PRKCH: variants seen among roughly 807,000 people sequenced by gnomAD.
PRKCH encodes the protein protein kinase C eta type.
In PRKCH, 28 loss-of-function variants were observed where a neutral mutation model predicts 82.5. The ratio of observed to expected loss-of-function variants is 0.34; its 90% confidence interval spans 0.25 to 0.47. The LOEUF is 0.47. Ranked by LOEUF, PRKCH falls within the 20% of genes least tolerant of loss-of-function variation. The pLI is 1.00. For synonymous variants in PRKCH, 322 were observed against 327.4 expected (o/e 0.98, Z 0.18); for missense variants, 705 against 881.8 (o/e 0.80, Z 2.54).
chr14:61,261,568 G>A (rs553903927), intron 1 of PRKCH, among the ~76,000 whole-genome samples: 1 of 152,266 alleles, frequency 6.6e-6, no homozygotes, highest in Non-Finnish European at 1.5e-5. Context: ...GATTTATTTC[G>A]AGGTCTGAAT....
In PRKCH at chr14:61,384,195, C is replaced by T. The variant is rs1367162411; in HGVS notation, c.364-7030C>T. Among the ~76,000 whole-genome samples the T allele has an allele frequency of 3.9e-5, 6 of 152,014 alleles. No individual in the cohort carries two copies. The East Asian group carries it at 5.8e-4, about 15-fold the overall frequency. ...GGCTCCAGGATTTTAAGCCTGGGAA[C>T]GCAGAAGAACAGTGGTTCTAGTGAT... On this transcript the variant is annotated intron_variant, in intron 1 of 13. Coordinates refer to ENST00000332981, the MANE Select transcript of PRKCH (RefSeq NM_006255.5).
intron 2 of PRKCH, among the ~76,000 whole-genome samples, chr14:61,418,515 C>T (rs1395648733): frequency 1.3e-5 from 2 of 152,186 alleles, no homozygotes; most frequent in Admixed American, 1.3e-4. Flanking sequence ...GTGGCTCTGT[C>T]TTTATCCCTG....
intron 1 of PRKCH, among the ~76,000 whole-genome samples, chr14:61,269,863 G>A (rs965961799): frequency 6.6e-6 from 1 of 152,186 alleles, no homozygotes; most frequent in Non-Finnish European, 1.5e-5. Context: ...GTCAGGCTCC[G>A]GCCACAGGTC....
chr14:61,283,771 C>T (rs2045291467), intron 1 of PRKCH, among the ~76,000 whole-genome samples: 1 of 151,980 alleles, frequency 6.6e-6, no homozygotes, highest in Non-Finnish European at 1.5e-5. Context: ...ATAGCTTTAA[C>T]CAGGGAGTTA....
chr14:61,431,741 A>T (rs1883405955), intron 2 of PRKCH, among the ~76,000 whole-genome samples: 1 of 152,160 alleles, frequency 6.6e-6, no homozygotes, highest in African/African-American at 2.4e-5. Flanking sequence ...ATATATACAA[A>T]TATACTGTTA....
intron 1 of PRKCH, chr14:61,306,174 A>G (rs1166196788): frequency 6.6e-6 from 1 of 152,144 alleles, no homozygotes; most frequent in Non-Finnish European, 1.5e-5. Context: ...GTGCTTAGTA[A>G]GGTCTCTCCA....
chr14:61,372,798 T>C (rs570828906), intron 1 of PRKCH, among the ~76,000 whole-genome samples: 1 of 152,180 alleles, frequency 6.6e-6, no homozygotes, highest in African/African-American at 2.4e-5. Flanking sequence ...ACTTTTTAAA[T>C]TGCATATATT....
At chr14:61,367,350 G>A (rs1264000513) in intron 1 of PRKCH, among the ~76,000 whole-genome samples, 1 of 143,420 alleles carries the variant, frequency 7.0e-6, no homozygotes, top group African/African-American at 2.8e-5. Flanking sequence ...TATTGCGTGT[G>A]TGTGTGTGTA....
intron 1 of PRKCH, among the ~76,000 whole-genome samples, chr14:61,323,995 C>T (rs926056357): frequency 6.6e-6 from 1 of 152,202 alleles, no homozygotes; most frequent in African/African-American, 2.4e-5. Context: ...AGCCTAGACT[C>T]GTCCTTCTCA....
chr14:61,439,914 G>A (rs1450603629), intron 2 of PRKCH, among the ~76,000 whole-genome samples: 1 of 152,126 alleles, frequency 6.6e-6, no homozygotes. Context: ...AAAAAAAATA[G>A]GATTCAGTTG....
At chr14:61,483,056 G>A (rs938498167) in intron 9 of PRKCH, among the ~76,000 whole-genome samples, 2 of 152,218 alleles carry the variant, frequency 1.3e-5, no homozygotes, top group African/African-American at 2.4e-5. Context: ...GAACAGGCTG[G>A]TTAACGAAAA....
In PRKCH at chr14:61,450,985, G is replaced by A; in HGVS notation, c.832+14G>A. The A allele has an allele frequency of 6.2e-7, 1 of 1,613,210 alleles. No individual in the cohort carries two copies. Among genetic ancestry groups the A allele is most frequent in the Non-Finnish European group, 8.5e-7 (1 of 1,179,546 alleles). On this transcript the variant is annotated intron_variant, in intron 6 of 13. Coordinates refer to ENST00000332981, the MANE Select transcript of PRKCH (RefSeq NM_006255.5). ...TTCAGTGTAAAAGTGAGATGCTGAG[G>A]TGCTGGGTACCCACCTCTTCATGGG...
In PRKCH at chr14:61,209,310, TAAAAAA is replaced by T. The variant is rs6145367; in HGVS notation, c.-19+21661_-19+21666del. 6.1e-4 allele frequency among the ~76,000 whole-genome samples: 57 copies of T among 92,878 alleles called. 4 individuals carry two copies. The East Asian group carries it at 0.019, about 31-fold the overall frequency. 60.9% of individuals were successfully genotyped at this position (92,878 alleles called of 152,430 possible). ...AATGGACTAAGACAGTGCCTTTATT[TAAAAAA>T]AAAAAAAAAAAAAAAAAAGCTACTC... On this transcript the variant is annotated intron_variant, in intron 1 of 3. Coordinates refer to the PRKCH transcript ENST00000555185.
At chr14:61,358,742 C>G (rs72728024) in intron 1 of PRKCH, among the ~76,000 whole-genome samples, 2 of 152,122 alleles carry the variant, frequency 1.3e-5, no homozygotes, top group Non-Finnish European at 2.9e-5. Flanking sequence ...GCATTCTAGC[C>G]TCCCTTTTAC....
chr14:61,535,160 A>G (rs1467503791), intron 12 of PRKCH, among the ~76,000 whole-genome samples: 1 of 152,190 alleles, frequency 6.6e-6, no homozygotes, highest in African/African-American at 2.4e-5. Flanking sequence ...TAATAGGCTT[A>G]TATCAATGCA....
At chr14:61,452,343 G>A (rs1453449401) in intron 6 of PRKCH, among the ~76,000 whole-genome samples, 1 of 152,124 alleles carries the variant, frequency 6.6e-6, no homozygotes, top group Non-Finnish European at 1.5e-5. Flanking sequence ...CCTAAATTAT[G>A]TAAATTCAGG....
At chr14:61,210,107 AACAAATATATAT>A (rs2044558732) in intron 1 of PRKCH, among the ~76,000 whole-genome samples, 2 of 107,764 alleles carry the variant, frequency 1.9e-5, no homozygotes, top group Admixed American at 9.7e-5. Context: ...CAAACAAACA[AACAAATATATAT>A]ATATATATAT....
At chr14:61,272,729 CA>C in intron 1 of PRKCH, among the ~76,000 whole-genome samples, 1 of 152,284 alleles carries the variant, frequency 6.6e-6, no homozygotes, top group South Asian at 2.1e-4. Flanking sequence ...TGAGTATCTA[CA>C]AAAACACTTG....
chr14:61,340,359 T>C (rs1325619237), intron 1 of PRKCH, among the ~76,000 whole-genome samples: 1 of 113,706 alleles, frequency 8.8e-6, no homozygotes, highest in Non-Finnish European at 1.7e-5. Context: ...AATATTGGTG[T>C]TCCCCAGGTG....
Sources: gnomAD v4.1 joint callset for allele counts (sites outside exome capture counted in the v4.1 genomes callset) on GRCh38, gnomAD v4.1.1 for gene constraint, MANE v1.5 for transcripts, NCBI Gene and HGNC (gene_info 2026-07-23, HGNC 2026-07-21) for gene names.